DLG2: variants seen among roughly 807,000 people sequenced by gnomAD.
DLG2 encodes disks large homolog 2.
A neutral mutation model predicts 132.5 loss-of-function variants in DLG2; 45 were observed. That is an observed-to-expected ratio of 0.34 (90% CI 0.27 to 0.44). The LOEUF is 0.44. Ranked by LOEUF, DLG2 falls within the 20% of genes least tolerant of loss-of-function variation. The pLI, the probability that DLG2 is intolerant of heterozygous loss-of-function variation, is 1.00. For synonymous variants in DLG2, 424 were observed against 419.6 expected (o/e 1.01, Z -0.13); for missense variants, 1,045 against 1,196.9 (o/e 0.87, Z 1.87).
chr11:84,075,652 G>C (rs1343396862), intron 10 of DLG2, among the ~76,000 whole-genome samples: 1 of 152,172 alleles, frequency 6.6e-6, no homozygotes, highest in Admixed American at 6.5e-5. Flanking sequence ...GATAATGCTA[G>C]ATTGCCTGGA....
intron 6 of DLG2, among the ~76,000 whole-genome samples, chr11:84,959,649 T>C (rs1274200608): frequency 6.6e-6 from 1 of 152,184 alleles, no homozygotes; most frequent in South Asian, 2.1e-4. Flanking sequence ...GTGGTGTAAA[T>C]AAGAGGTAAA....
chr11:85,316,776 T>C (rs562139500), intron 3 of DLG2, among the ~76,000 whole-genome samples: 4 of 151,804 alleles, frequency 2.6e-5, no homozygotes, highest in Admixed American at 6.6e-5. Flanking sequence ...TACAACTGGG[T>C]TTTATTATTT....
At chr11:84,051,976 T>C (rs12786844) in intron 11 of DLG2, among the ~76,000 whole-genome samples, 3,384 of 151,670 alleles carry the variant, frequency 0.022, 68 homozygotes, top group Middle Eastern at 0.034. Flanking sequence ...TTTGAATAAA[T>C]GGAGAGGTCA....
At chr11:84,929,216 T>C (rs908907831) in intron 6 of DLG2, among the ~76,000 whole-genome samples, 1 of 151,200 alleles carries the variant, frequency 6.6e-6, no homozygotes, top group Non-Finnish European at 1.5e-5. Flanking sequence ...GGAACTCCAA[T>C]ACTAAGTCTT....
At chr11:84,391,361 AC>A (rs2098792061) in intron 7 of DLG2, among the ~76,000 whole-genome samples, 1 of 152,158 alleles carries the variant, frequency 6.6e-6, no homozygotes, top group Non-Finnish European at 1.5e-5. Context: ...TACATAAGAA[AC>A]CAATGACAAT....
intron 7 of DLG2, among the ~76,000 whole-genome samples, chr11:84,334,565 C>T (rs1222756175): frequency 2.6e-5 from 4 of 152,282 alleles, no homozygotes; most frequent in Non-Finnish European, 4.4e-5. Context: ...CCTGTCTGTT[C>T]ATAAAGCTAA....
intron 4 of DLG2, among the ~76,000 whole-genome samples, chr11:85,222,330 T>G (rs1271798056): frequency 1.3e-5 from 2 of 152,112 alleles, no homozygotes; most frequent in Non-Finnish European, 2.9e-5. Flanking sequence ...TAGTGGTAGA[T>G]CCATTAATTT....
chr11:83,878,944 T>C (rs2065442638), intron 15 of DLG2, among the ~76,000 whole-genome samples: 1 of 152,196 alleles, frequency 6.6e-6, no homozygotes, highest in South Asian at 2.1e-4. Flanking sequence ...GTCCAAATGA[T>C]GCTGTCATTA....
At position 83,833,741 on chromosome 11, in the gene DLG2, C is replaced by G; in HGVS notation, c.1595G>C (p.Gly532Ala). ...AATGTTGAAGCCCAGGCCAGTGGAGCCTTTGTGCAGGACTACCTTGCGAGG... is the reference window on the plus strand; with the variant it reads ...AATGTTGAAGCCCAGGCCAGTGGAGGCTTTGTGCAGGACTACCTTGCGAGG... ...GEPRKVVLHK[G>A]STGLGFNIVG... is the part of the protein sequence containing the mutation. The change falls in exon 17 of 28, where the codon GGC (glycine) becomes GCC (alanine). Residue 532 changes from glycine (G) to alanine (A), a missense_variant. This residue lies in a region of DLG2 where 261 missense variants were observed against 256.1 expected (regional missense o/e 1.02). Transcript: ENST00000376104. 1 of 1,613,946 alleles carries G rather than the reference C, an allele frequency of 6.2e-7. No individual in the cohort carries two copies.
chr11:83,932,513 C>T (rs1047541419), intron 14 of DLG2, among the ~76,000 whole-genome samples: 4 of 152,126 alleles, frequency 2.6e-5, no homozygotes, highest in African/African-American at 7.2e-5. Flanking sequence ...GGATTACAGG[C>T]GTGAGCCACC....
At chr11:84,129,986 T>C (rs1447034658) in intron 9 of DLG2, among the ~76,000 whole-genome samples, 1 of 152,054 alleles carries the variant, frequency 6.6e-6, no homozygotes, top group Non-Finnish European at 1.5e-5. Context: ...CTAAAGAAAG[T>C]ACAAACACAA....
rs190581165 is a variant in DLG2 at position 83,892,676 on chromosome 11, A to C, written c.1497-18188T>G. On this transcript the variant is annotated intron_variant, in intron 15 of 27. Coordinates refer to ENST00000376104, the MANE Select transcript of DLG2 (RefSeq NM_001142699.3). ...CTATGATAGTTTTCTTACCCTTCAC[A>C]TGTCTTAAGATTTGCAAAGAATTAA... Among the ~76,000 whole-genome samples, 692 of 149,668 alleles carry C rather than the reference A, an allele frequency of 4.6e-3. 3 individuals are homozygous for C. The highest frequency in any genetic ancestry group is 7.5e-3 in the Non-Finnish European group (505 of 67,634).
chr11:85,541,463 GTAT>G (rs1359649340), intron 3 of DLG2, among the ~76,000 whole-genome samples: 1 of 150,750 alleles, frequency 6.6e-6, no homozygotes, highest in Non-Finnish European at 1.5e-5. Context: ...CAGATAATGA[GTAT>G]TATTATTTAT....
chr11:84,848,387 G>A (rs1022778744), intron 6 of DLG2, among the ~76,000 whole-genome samples: 5 of 152,004 alleles, frequency 3.3e-5, no homozygotes, highest in South Asian at 2.1e-4. Flanking sequence ...CCAGCTACTC[G>A]GGAGGCTGAG....
intron 6 of DLG2, among the ~76,000 whole-genome samples, chr11:84,703,852 G>C (rs974973735): frequency 3.1e-4 from 27 of 88,174 alleles, no homozygotes; most frequent in Admixed American, 2.4e-3. Flanking sequence ...AAACTATGTA[G>C]TGAAGATATA....
At chr11:83,678,373 G>A (rs770648779) in intron 18 of DLG2, among the ~76,000 whole-genome samples, 1 of 152,192 alleles carries the variant, frequency 6.6e-6, no homozygotes, top group Non-Finnish European at 1.5e-5. Flanking sequence ...TTGGGACCCA[G>A]AACAAGAACA....
At chr11:85,285,443 T>C (rs1406068542) in intron 3 of DLG2, 78 bp from the exon 4 acceptor site, 21 of 1,361,146 alleles carry the variant, frequency 1.5e-5, no homozygotes, top group Admixed American at 6.8e-5. Context: ...TGTCCATATA[T>C]AGACATACAG....
chr11:83,671,579 A>G (rs2076831636), intron 18 of DLG2, among the ~76,000 whole-genome samples: 1 of 152,240 alleles, frequency 6.6e-6, no homozygotes, highest in South Asian at 2.1e-4. Flanking sequence ...GGGATATAGC[A>G]AGAAAGACCC....
intron 9 of DLG2, among the ~76,000 whole-genome samples, chr11:84,157,434 A>C (rs996151520): frequency 6.6e-6 from 1 of 152,142 alleles, no homozygotes; most frequent in Admixed American, 6.5e-5. Context: ...CTTTTTAAAA[A>C]AATTTTATTT....
Sources: allele counts gnomAD v4.1 joint callset (sites outside exome capture counted in the v4.1 genomes callset), GRCh38; gene constraint gnomAD v4.1.1; regional missense constraint gnomAD v4.1.1; transcripts MANE v1.5; gene names NCBI Gene and HGNC (gene_info 2026-07-23, HGNC 2026-07-21).